Variants in NCAPG2 observed in about 807,000 individuals in gnomAD.
NCAPG2 encodes the protein non-SMC condensin II complex subunit G2, also known as condensin-2 complex subunit G2.
Under a neutral mutation model 141.1 loss-of-function variants are expected in NCAPG2, and 53 were observed. The ratio of observed to expected loss-of-function variants is 0.38; its 90% CI spans 0.30 to 0.47. The LOEUF (loss-of-function observed/expected upper bound fraction) is 0.47. Among genes scored for constraint, NCAPG2 ranks in the 20% least tolerant of loss-of-function variants. The pLI is 0.99. For synonymous variants in NCAPG2, 499 were observed against 490.7 expected, an observed-to-expected ratio of 1.02 and a Z score of -0.22; for missense variants, 1,087 against 1,389.0, an observed-to-expected ratio of 0.78 and a Z score of 3.46.
chr7:158,699,275 T>G (rs1030182712), intron 2 of NCAPG2, among the ~76,000 whole-genome samples: 1 of 152,088 alleles, frequency 6.6e-6, no homozygotes, highest in African/African-American at 2.4e-5. Context: ...TGTGTCCTCC[T>G]CCCCATCATT....
intron 9 of NCAPG2, among the ~76,000 whole-genome samples, chr7:158,681,492 T>C (rs1834453220): frequency 6.6e-6 from 1 of 152,230 alleles, no homozygotes; most frequent in Non-Finnish European, 1.5e-5. Context: ...GGGCTAAACT[T>C]TATTAGTGAA....
At chr7:158,700,720 T>C (rs1835724391) in intron 2 of NCAPG2, among the ~76,000 whole-genome samples, 1 of 150,556 alleles carries the variant, frequency 6.6e-6, no homozygotes, top group Non-Finnish European at 1.5e-5. Context: ...TTCTTAAATG[T>C]TGCCAGTAAC....
intron 17 of NCAPG2, among the ~76,000 whole-genome samples, 178 bp downstream of exon 17, chr7:158,658,149 TAAAAAAAAAAA>T (rs11444440): frequency 1.0e-5 from 1 of 97,502 alleles, no homozygotes; most frequent in Non-Finnish European, 2.2e-5. Flanking sequence ...GAATGATCAA[TAAAAAAAAAAA>T]AAAAAAGAAA....
At chr7:158,694,120 G>A (rs1226799758) in intron 2 of NCAPG2, among the ~76,000 whole-genome samples, 9 of 152,098 alleles carry the variant, frequency 5.9e-5, no homozygotes, top group African/African-American at 1.2e-4. Context: ...AAGCATAAAC[G>A]AGGCCAAGCC....
chr7:158,680,881 A>G, intron 9 of NCAPG2, 65 bp from the exon 10 acceptor site: 1 of 1,226,202 alleles, frequency 8.2e-7, no homozygotes, highest in Admixed American at 2.2e-5. Context: ...ATAAAATGGC[A>G]TTTGGAAAGA....
At chr7:158,688,111 G>T (rs1167375790) in intron 6 of NCAPG2, among the ~76,000 whole-genome samples, 1 of 151,700 alleles carries the variant, frequency 6.6e-6, no homozygotes, top group Admixed American at 6.6e-5. Flanking sequence ...CACAGAACTG[G>T]AATCCTACAG....
chr7:158,702,496 T>C (rs1049163196), intron 1 of NCAPG2: 1 of 152,288 alleles, frequency 6.6e-6, no homozygotes, highest in Non-Finnish European at 1.5e-5. Flanking sequence ...TTCGGGATAA[T>C]GAGAGCTCAG....
At chr7:158,659,985 G>A (rs1016238150) in intron 16 of NCAPG2, among the ~76,000 whole-genome samples, 1 of 151,862 alleles carries the variant, frequency 6.6e-6, no homozygotes, top group African/African-American at 2.4e-5. Context: ...GGTGGCAGGC[G>A]CCTGTAGTCC....
intron 8 of NCAPG2, among the ~76,000 whole-genome samples, chr7:158,685,307 T>C (rs1834689637): frequency 6.6e-6 from 1 of 152,218 alleles, no homozygotes; most frequent in African/African-American, 2.4e-5. Flanking sequence ...AAGAGGTGAC[T>C]TGAAGTCCCT....
In NCAPG2 at chr7:158,646,568, A is replaced by G; in HGVS notation, c.3076-5T>C. On this transcript the variant is annotated splice_polypyrimidine_tract_variant and splice_region_variant and intron_variant, in intron 24 of 27. Transcript: ENST00000356309. ...AAGCTCTTCTACGTCAGAAACCTAAAAAAGTTCCAAATCAGCAAGTTGTAA... is the reference window on the plus strand; with the variant it reads ...AAGCTCTTCTACGTCAGAAACCTAAGAAAGTTCCAAATCAGCAAGTTGTAA... 1 of 1,562,874 alleles carries G rather than the reference A, an allele frequency of 6.4e-7. No homozygotes were observed. Among genetic ancestry groups the G allele is most frequent in the Non-Finnish European group, 8.6e-7 (1 of 1,160,604 alleles).
chr7:158,692,281 T>A lies in NCAPG2; in HGVS notation c.382+561A>T, dbSNP rs144235296. On this transcript the variant is annotated intron_variant, in intron 4 of 27. Coordinates refer to ENST00000356309, the MANE Select transcript of NCAPG2 (RefSeq NM_017760.7). ...GGGTTCATGTCACTGCACTTCAGCATAGGCAACAGGGCGAGATTCTGTCTC... is the reference window on the plus strand; with the variant it reads ...GGGTTCATGTCACTGCACTTCAGCAAAGGCAACAGGGCGAGATTCTGTCTC... Among the ~76,000 whole-genome samples, 143 of 151,652 alleles carry A rather than the reference T, an allele frequency of 9.4e-4. 5 individuals are homozygous for A. The East Asian group carries it at 0.024, about 25-fold the overall frequency.
At chr7:158,631,802 A>C in intron 27 of NCAPG2, 85 bp from the exon 28 acceptor site, 1 of 1,135,492 alleles carries the variant, frequency 8.8e-7, no homozygotes, top group Non-Finnish European at 1.3e-6. Context: ...ATAATCTAAA[A>C]ATGGTTTGCA....
Position 158,680,277 on chromosome 7 carries a change from T to G in NCAPG2, c.1021-192A>C, listed in dbSNP as rs557297681. ...AACAGATACTATGAAAAGATAAAGCTTCCTCACTTCAAAGCCCACTTCATG... is the reference window on the plus strand; with the variant it reads ...AACAGATACTATGAAAAGATAAAGCGTCCTCACTTCAAAGCCCACTTCATG... On this transcript the variant is annotated intron_variant, in intron 10 of 27. Transcript: ENST00000356309. Among the ~76,000 whole-genome samples the G allele has an allele frequency of 7.2e-5, 11 of 152,332 alleles. No homozygotes were observed. In the South Asian group the frequency reaches 2.3e-3, roughly 32 times the overall value.
intron 2 of NCAPG2, among the ~76,000 whole-genome samples, chr7:158,701,304 T>C (rs1979196): frequency 0.91 from 138,222 of 152,260 alleles, 62,808 homozygotes; most frequent in East Asian, 0.96. Flanking sequence ...TTCTCACTTG[T>C]AGTCAGAGGA....
chr7:158,641,127 A>G (rs1299561986), intron 27 of NCAPG2: 1 of 171,562 alleles, frequency 5.8e-6, no homozygotes, highest in Non-Finnish European at 1.2e-5. Flanking sequence ...AAAGGTTTAA[A>G]AAAAAAAAAG....
At chr7:158,653,555 T>G (rs181237389) in intron 22 of NCAPG2, among the ~76,000 whole-genome samples, 29 of 152,252 alleles carry the variant, frequency 1.9e-4, no homozygotes, top group Non-Finnish European at 3.8e-4. Flanking sequence ...TCCTAGCATC[T>G]ACTTCAGTTG....
At chr7:158,694,580 A>G (rs1413138372) in intron 2 of NCAPG2, among the ~76,000 whole-genome samples, 1 of 152,212 alleles carries the variant, frequency 6.6e-6, no homozygotes, top group East Asian at 1.9e-4. Context: ...CAAAATGCAC[A>G]CTAAAATTTA....
At chr7:158,697,218 G>A (rs1835501363) in intron 2 of NCAPG2, among the ~76,000 whole-genome samples, 1 of 152,214 alleles carries the variant, frequency 6.6e-6, no homozygotes, top group South Asian at 2.1e-4. Flanking sequence ...ATGTTAAGGT[G>A]GAAGACAGTG....
At chr7:158,683,766 G>C (rs1042918452) in intron 8 of NCAPG2, among the ~76,000 whole-genome samples, 1 of 152,150 alleles carries the variant, frequency 6.6e-6, no homozygotes, top group African/African-American at 2.4e-5. Flanking sequence ...TCAGAAGACT[G>C]GATTTGTTCC....
Sources: gnomAD v4.1 joint callset for allele counts (sites outside exome capture counted in the v4.1 genomes callset) on GRCh38, gnomAD v4.1.1 for gene constraint, MANE v1.5 for transcripts, NCBI Gene and HGNC (gene_info 2026-07-23, HGNC 2026-07-21) for gene names.